Variants in GRB2 observed in about 807,000 individuals in gnomAD.
GRB2 encodes the protein growth factor receptor-bound protein 2.
GRB2 carries 2 observed loss-of-function variants against 27.4 expected under a neutral mutation model. That is an observed-to-expected ratio of 0.07 (90% CI 0.03 to 0.23). The LOEUF (loss-of-function observed/expected upper bound fraction) is 0.23. GRB2 is among the 10% of genes least tolerant of loss of function. The pLI is 1.00. For missense variants in GRB2, 102 were observed against 282.4 expected (o/e 0.36, Z 4.58); for synonymous variants, 94 against 99.6 (o/e 0.94, Z 0.33).
intron 1 of GRB2, among the ~76,000 whole-genome samples, chr17:75,403,664 C>G (rs1033557378): frequency 2.0e-4 from 30 of 151,596 alleles, no homozygotes; most frequent in African/African-American, 5.8e-4. Flanking sequence ...CTCGGGAGTG[C>G]GAGGCAGGAG....
chr17:75,389,598 G>A (rs550340795), intron 2 of GRB2, among the ~76,000 whole-genome samples: 2 of 152,264 alleles, frequency 1.3e-5, no homozygotes, highest in East Asian at 3.9e-4. Flanking sequence ...TGTAATCCCA[G>A]CACTTTGGGA....
At chr17:75,378,961 T>C (rs1420185656) in intron 2 of GRB2, among the ~76,000 whole-genome samples, 1 of 152,230 alleles carries the variant, frequency 6.6e-6, no homozygotes, top group African/African-American at 2.4e-5. Flanking sequence ...AAAGTCTTAA[T>C]CATTGTATCT....
At chr17:75,351,623 A>C (rs1255638328) in intron 2 of GRB2, among the ~76,000 whole-genome samples, 2 of 152,114 alleles carry the variant, frequency 1.3e-5, no homozygotes, top group East Asian at 1.9e-4. Context: ...ACTGCACCCC[A>C]ATCTGGGTGA....
chr17:75,379,362 A>T (rs995461919), intron 2 of GRB2, among the ~76,000 whole-genome samples: 1 of 151,250 alleles, frequency 6.6e-6, no homozygotes, highest in Non-Finnish European at 1.5e-5. Context: ...TCTAATAAAA[A>T]TTTTAAAAGA....
intron 2 of GRB2, among the ~76,000 whole-genome samples, chr17:75,337,901 C>CTACTACTACTACTACTATTAT (rs1375563317): frequency 2.6e-4 from 30 of 117,374 alleles, no homozygotes; most frequent in Middle Eastern, 4.4e-3. Context: ...ACTACTACTA[C>CTACTACTACTACTACTATTAT]TATTATTATT....
At chr17:75,367,863 AC>A (rs2078829734) in intron 2 of GRB2, among the ~76,000 whole-genome samples, 1 of 75,500 alleles carries the variant, frequency 1.3e-5, no homozygotes, top group African/African-American at 2.6e-5. Flanking sequence ...CTCTTAAAAT[AC>A]TCTTTAGATT....
intron 3 of GRB2, among the ~76,000 whole-genome samples, chr17:75,331,691 G>T (rs539388645): frequency 6.6e-6 from 1 of 152,084 alleles, no homozygotes; most frequent in African/African-American, 2.4e-5. Context: ...ATTTCTACTC[G>T]ATTGTTAAAA....
intron 2 of GRB2, among the ~76,000 whole-genome samples, chr17:75,343,220 G>A (rs901675479): frequency 6.6e-6 from 1 of 151,980 alleles, no homozygotes; most frequent in African/African-American, 2.4e-5. Context: ...TCCTGGCAAT[G>A]TGATGTCTAA....
intron 1 of GRB2, among the ~76,000 whole-genome samples, chr17:75,401,439 G>A (rs1399960013): frequency 2.4e-4 from 29 of 119,678 alleles, no homozygotes; most frequent in Non-Finnish European, 4.0e-4. Context: ...GCGACAGAGC[G>A]AGACTCCGTC....
At chr17:75,367,148 A>T (rs1400869326) in intron 2 of GRB2, among the ~76,000 whole-genome samples, 1 of 152,092 alleles carries the variant, frequency 6.6e-6, no homozygotes, top group East Asian at 1.9e-4. Context: ...GTTGTCACAA[A>T]GGTTATAATC....
In GRB2 at chr17:75,320,479, A is replaced by G. The variant is rs1396714426; in HGVS notation, c.543T>C (p.Asp181=). 6.2e-7 allele frequency: 1 copy of G among 1,613,772 alleles called. No homozygotes were observed. Among genetic ancestry groups the G allele is most frequent in the Non-Finnish European group, 8.5e-7 (1 of 1,179,722 alleles). Residue 181 remains aspartate (D), a synonymous_variant, in exon 6 of 6, where the codon GAT becomes GAC. Transcript: ENST00000316804. The surrounding 1 kb of genome is among the most constrained non-coding windows in gnomAD (Gnocchi z 4.3). The part of the protein sequence containing the change: ...EDGELGFRRG[D]FIHVMDNSDP... ...CTGAGTTATCCATGACATGGATAAA[A>G]TCTCCCCGGCGGAAGCCCAGCTCTC...
intron 2 of GRB2, among the ~76,000 whole-genome samples, chr17:75,361,881 A>T (rs1030465809): frequency 8.5e-5 from 13 of 152,150 alleles, no homozygotes; most frequent in Admixed American, 1.3e-4. Context: ...TTTATTAAAA[A>T]AAAAAAAGGG....
intron 1 of GRB2, among the ~76,000 whole-genome samples, chr17:75,397,932 C>T (rs1444257797): frequency 1.3e-5 from 2 of 152,030 alleles, no homozygotes; most frequent in East Asian, 3.8e-4. Flanking sequence ...ACCTCCGCCT[C>T]CTAGGATCAA....
intron 2 of GRB2, among the ~76,000 whole-genome samples, chr17:75,339,857 G>C (rs955347474): frequency 6.6e-6 from 1 of 152,174 alleles, no homozygotes; most frequent in African/African-American, 2.4e-5. Flanking sequence ...TTGAACTACT[G>C]ACCTCAGGCG....
chr17:75,330,532 G>A (rs1326837315), intron 3 of GRB2, among the ~76,000 whole-genome samples: 1 of 152,046 alleles, frequency 6.6e-6, no homozygotes, highest in African/African-American at 2.4e-5. Flanking sequence ...CAATTCGACG[G>A]GAGTGGAGGC....
At chr17:75,394,770 T>G (rs1429293833) in intron 1 of GRB2, 2 of 152,160 alleles carry the variant, frequency 1.3e-5, no homozygotes, top group African/African-American at 4.8e-5. Flanking sequence ...GCACAGCTTC[T>G]TAGAGCAAGC....
intron 2 of GRB2, among the ~76,000 whole-genome samples, chr17:75,359,079 G>A (rs1257480982): frequency 2.0e-5 from 3 of 146,404 alleles, no homozygotes; most frequent in African/African-American, 7.6e-5. Flanking sequence ...GCTCGGTGTG[G>A]TGGCACACGC....
At chr17:75,354,273 G>C (rs868244693) in intron 2 of GRB2, among the ~76,000 whole-genome samples, 1 of 95,128 alleles carries the variant, frequency 1.1e-5, no homozygotes, top group South Asian at 4.4e-4. Context: ...TTGGGGGGGG[G>C]GGGGAGATGG....
chr17:75,357,405 T>C (rs897844102), intron 2 of GRB2, among the ~76,000 whole-genome samples: 32 of 152,206 alleles, frequency 2.1e-4, no homozygotes, highest in Admixed American at 2.0e-4. Context: ...GGCTCATTAA[T>C]AGTAAATACG....
Sources: allele counts gnomAD v4.1 joint callset (sites outside exome capture counted in the v4.1 genomes callset), GRCh38; gene constraint gnomAD v4.1.1; non-coding constraint Gnocchi (gnomAD v3.1); transcripts MANE v1.5; gene names NCBI Gene and HGNC (gene_info 2026-07-23, HGNC 2026-07-21).